Variants in B4GALNT3 observed in about 807,000 individuals in gnomAD.
B4GALNT3 encodes the protein beta-1,4-N-acetylgalactosaminyltransferase 3.
A neutral mutation model predicts 120.2 loss-of-function variants in B4GALNT3; 86 were observed. The ratio of observed to expected loss-of-function variants is 0.72; its 90% CI spans 0.60 to 0.86. B4GALNT3 has a LOEUF of 0.86. Ranked by LOEUF, B4GALNT3 falls within the 40% of genes least tolerant of loss-of-function variation. The pLI is 0.00. For synonymous variants in B4GALNT3, 518 were observed against 510.4 expected, an observed-to-expected ratio of 1.01 and a Z score of -0.20; for missense variants, 1,167 against 1,298.9, an observed-to-expected ratio of 0.90 and a Z score of 1.56.
At chr12:549,440 GT>G (rs1252006583) in intron 9 of B4GALNT3, among the ~76,000 whole-genome samples, 1 of 152,248 alleles carries the variant, frequency 6.6e-6, no homozygotes, top group African/African-American at 2.4e-5. Flanking sequence ...TTATTATTAA[GT>G]GCTCTGTAAG....
chr12:549,029 G>T (rs1369140014), intron 9 of B4GALNT3, among the ~76,000 whole-genome samples: 1 of 152,202 alleles, frequency 6.6e-6, no homozygotes, highest in African/African-American at 2.4e-5. Context: ...CCTGCCTTCA[G>T]TGCACAGGAA....
intron 1 of B4GALNT3, among the ~76,000 whole-genome samples, chr12:528,430 A>T (rs1946777397): frequency 6.6e-6 from 1 of 152,234 alleles, no homozygotes; most frequent in Admixed American, 6.5e-5. Flanking sequence ...GTTTCACTTA[A>T]TATACATATA....
chr12:541,189 G>A (rs557092130), intron 3 of B4GALNT3, among the ~76,000 whole-genome samples: 7 of 152,354 alleles, frequency 4.6e-5, no homozygotes, highest in African/African-American at 1.4e-4. Context: ...CGGCAGGGCC[G>A]GTGGATATTC....
intron 1 of B4GALNT3, among the ~76,000 whole-genome samples, chr12:525,087 T>C (rs1272856751): frequency 2.2e-5 from 2 of 88,978 alleles, no homozygotes; most frequent in Non-Finnish European, 3.9e-5. Flanking sequence ...ATAACACAAT[T>C]TTATTTATTT....
chr12:495,377 AG>A (rs1946378651), intron 1 of B4GALNT3, among the ~76,000 whole-genome samples: 1 of 152,090 alleles, frequency 6.6e-6, no homozygotes, highest in African/African-American at 2.4e-5. Flanking sequence ...TTTTCCCCTT[AG>A]TCCCCCTAAC....
chr12:487,713 G>GAAA (rs1555152272), intron 1 of B4GALNT3, among the ~76,000 whole-genome samples: 40 of 106,610 alleles, frequency 3.8e-4, no homozygotes, highest in Middle Eastern at 0.013. Context: ...ACTCTATCTT[G>GAAA]AAAAAAAAAA....
intron 1 of B4GALNT3, among the ~76,000 whole-genome samples, chr12:511,314 G>A (rs59679012): frequency 0.041 from 581 of 14,084 alleles, 128 homozygotes; most frequent in African/African-American, 0.21. Flanking sequence ...TCCACCTTCC[G>A]CCTTCTGCCT....
chr12:506,730 G>A (rs542746906), intron 1 of B4GALNT3, among the ~76,000 whole-genome samples: 22 of 152,116 alleles, frequency 1.4e-4, no homozygotes, highest in African/African-American at 4.1e-4. Context: ...TCCGCCTCCC[G>A]GGTTCACGCC....
At chr12:493,061 A>G (rs938408183) in intron 1 of B4GALNT3, among the ~76,000 whole-genome samples, 1 of 152,238 alleles carries the variant, frequency 6.6e-6, no homozygotes, top group Non-Finnish European at 1.5e-5. Flanking sequence ...ACAACACCAA[A>G]GTCAGAATCC....
At chr12:551,996 C>T (rs1947088918) in intron 11 of B4GALNT3, 67 bp from the exon 12 acceptor site, 2 of 1,281,324 alleles carry the variant, frequency 1.6e-6, no homozygotes, top group South Asian at 2.4e-5. Flanking sequence ...CAGGCTTAAC[C>T]CTGGCTGGCT....
At chr12:546,868 G>T in intron 7 of B4GALNT3, 155 bp downstream of exon 7, 1 of 691,776 alleles carries the variant, frequency 1.4e-6, no homozygotes, top group South Asian at 1.8e-5. Flanking sequence ...CAGAAGCCGC[G>T]AGCCCATCCG....
chr12:492,932 C>A (rs938903972), intron 1 of B4GALNT3, among the ~76,000 whole-genome samples: 1 of 151,916 alleles, frequency 6.6e-6, no homozygotes. Context: ...GTTCTTACAC[C>A]CTTTACAAAA....
At chr12:544,314 C>A in intron 3 of B4GALNT3, 25 bp from the exon 4 acceptor site, 2 of 1,610,382 alleles carry the variant, frequency 1.2e-6, no homozygotes, top group South Asian at 2.2e-5. Context: ...CACGCTCACT[C>A]ACCACTGGCG....
chr12:499,117 G>A (rs1448850815), intron 1 of B4GALNT3, among the ~76,000 whole-genome samples: 2 of 152,208 alleles, frequency 1.3e-5, no homozygotes, highest in Admixed American at 6.5e-5. Flanking sequence ...GGATAGAGGG[G>A]CATTTAGGGA....
In B4GALNT3 at chr12:546,629, C is replaced by G. The variant is rs373742062; in HGVS notation, c.640-17C>G. On this transcript the variant is annotated splice_polypyrimidine_tract_variant and intron_variant, in intron 6 of 19. Transcript: ENST00000266383. ...TTTCTCTGTTCCTCCCTCCTCTTCT[C>G]TCTTCCACACCTCTAGACTGGAAAG... 150 of 1,550,362 alleles carry G rather than the reference C, an allele frequency of 9.7e-5. No individual in the cohort carries two copies. The highest frequency in any genetic ancestry group is 1.2e-4 in the Non-Finnish European group (142 of 1,145,884).
Position 545,360 on chromosome 12 carries a change from G to C in B4GALNT3, c.539-9G>C. The C allele has an allele frequency of 6.2e-7, 1 of 1,606,222 alleles. No homozygotes were observed. Among genetic ancestry groups the C allele is most frequent in the Non-Finnish European group, 8.5e-7 (1 of 1,177,048 alleles). On this transcript the variant is annotated splice_polypyrimidine_tract_variant and intron_variant, in intron 5 of 19. Transcript: ENST00000266383. ...TTGCCCTCATCTGGAAACTCTCCCCGCTGCCCAGGGAAAATCCAGTTTGCC... is the reference window on the plus strand; with the variant it reads ...TTGCCCTCATCTGGAAACTCTCCCCCCTGCCCAGGGAAAATCCAGTTTGCC...
At chr12:506,300 T>C (rs907883047) in intron 1 of B4GALNT3, among the ~76,000 whole-genome samples, 1 of 152,094 alleles carries the variant, frequency 6.6e-6, no homozygotes, top group African/African-American at 2.4e-5. Context: ...GATCAGGAGG[T>C]CACTGGGATC....
At chr12:531,376 C>A (rs1008688843) in intron 1 of B4GALNT3, among the ~76,000 whole-genome samples, 1 of 152,092 alleles carries the variant, frequency 6.6e-6, no homozygotes, top group Non-Finnish European at 1.5e-5. Flanking sequence ...AGGCTGAGCA[C>A]GGTGGCTCAC....
At chr12:500,997 C>T (rs1946437198) in intron 1 of B4GALNT3, among the ~76,000 whole-genome samples, 1 of 151,412 alleles carries the variant, frequency 6.6e-6, no homozygotes, top group Admixed American at 6.6e-5. Context: ...CCTCAGCCTC[C>T]TGCGTAGCTG....
Sources: gnomAD v4.1 joint callset for allele counts (sites outside exome capture counted in the v4.1 genomes callset) on GRCh38, gnomAD v4.1.1 for gene constraint, MANE v1.5 for transcripts, NCBI Gene and HGNC (gene_info 2026-07-23, HGNC 2026-07-21) for gene names.